TM6SF2: variants seen among roughly 807,000 people sequenced by gnomAD.
TM6SF2 encodes transmembrane 6 superfamily member 2.
In TM6SF2, 29 loss-of-function variants were observed where a neutral mutation model predicts 41.0. The ratio of observed to expected loss-of-function variants is 0.71; its 90% CI spans 0.53 to 0.96. TM6SF2 has a LOEUF of 0.96. TM6SF2 is among the 50% of genes least tolerant of loss of function. TM6SF2 has a pLI of 0.00. For missense variants in TM6SF2, 475 were observed against 499.0 expected, an observed-to-expected ratio of 0.95 and a Z score of 0.46; for synonymous variants, 200 against 209.1, an observed-to-expected ratio of 0.96 and a Z score of 0.37.
rs768743022 is a variant in TM6SF2, at chr19:19,264,707, G to C, written c.1091C>G (p.Pro364Arg). The C allele has an allele frequency of 6.3e-7, 1 of 1,587,770 alleles. No individual in the cohort carries two copies. The highest frequency in any genetic ancestry group is 1.7e-5 in the Admixed American group (1 of 57,324). The part of the protein sequence containing the change: ...CLQWPAFFHQ[P>R]PPSDPLALHK... ...GAGGGCTAGGGGGTCGGAGGGTGGT[G>C]GCTGGTGGAAGAATGCGGGCCACTG... Residue 364 changes from proline to arginine, a missense_variant, in exon 10 of 10, where the codon CCA becomes CGA. Physicochemically the swap from Pro to Arg is moderately radical, Grantham distance 103. This residue lies in a region of TM6SF2 where 190 missense variants were observed against 190.2 expected (regional missense o/e 1.00). Coordinates refer to ENST00000389363, the MANE Select transcript of TM6SF2 (RefSeq NM_001001524.3).
intron 1 of TM6SF2, 60 bp downstream of exon 1, chr19:19,273,061 T>TTGGC: frequency 8.2e-5 from 25 of 305,432 alleles, no homozygotes; most frequent in East Asian, 1.7e-4. Flanking sequence ...CCTCCAGTCC[T>TTGGC]CCCCGCCCCC....
At chr19:19,269,246 C>A (rs557462632) in intron 5 of TM6SF2, among the ~76,000 whole-genome samples, 55 of 152,306 alleles carry the variant, frequency 3.6e-4, no homozygotes, top group African/African-American at 1.2e-3. Context: ...AATTTACCTT[C>A]TGAATATGGA....
chr19:19,270,919 G>C (rs2074302), intron 2 of TM6SF2, 103 bp downstream of exon 2: 150,948 of 937,760 alleles, frequency 0.16, 13,461 homozygotes, highest in African/African-American at 0.29. Flanking sequence ...AGCTCTTAAA[G>C]GGCCCCCAGT....
At position 19,270,158 on chromosome 19, in the gene TM6SF2, C is replaced by A; in HGVS notation, c.401+15G>T. ...CTCCCAGGGTCAGGGGCCACCCTCTCCCTGCCTCCTGCACCTTCTGCAGAT... is the reference window on the plus strand; with the variant it reads ...CTCCCAGGGTCAGGGGCCACCCTCTACCTGCCTCCTGCACCTTCTGCAGAT... On this transcript the variant is annotated intron_variant, in intron 4 of 9. Transcript: ENST00000389363. The A allele has an allele frequency of 6.2e-7, 1 of 1,613,648 alleles. No individual in the cohort carries two copies. The highest frequency in any genetic ancestry group is 1.1e-5 in the South Asian group (1 of 90,910).
At chr19:19,268,600 G>C (rs1013538206) in intron 6 of TM6SF2, 30 bp downstream of exon 6, 2 of 1,539,602 alleles carry the variant, frequency 1.3e-6, no homozygotes, top group Non-Finnish European at 1.7e-6. Flanking sequence ...GGCACATTGG[G>C]ACAAGGCCTA....
At chr19:19,272,736 A>G (rs2061028938) in intron 1 of TM6SF2, among the ~76,000 whole-genome samples, 1 of 136,878 alleles carries the variant, frequency 7.3e-6, no homozygotes, top group Admixed American at 7.1e-5. Context: ...TGTGAGCAGG[A>G]GTCAGGTACC....
At position 19,268,059 on chromosome 19, in the gene TM6SF2, A is replaced by C. The variant is rs1196434543; in HGVS notation, c.638T>G (p.Leu213Arg). Residue 213 changes from leucine to arginine, a missense_variant, in exon 7 of 10, where the codon CTG (leucine) becomes CGG (arginine). Physicochemically the swap from Leu to Arg is moderately radical, Grantham distance 102. Around this residue, in one of 3 missense-constraint regions of TM6SF2, gnomAD observed 47 missense variants for 80.3 expected, o/e 0.59. Transcript: ENST00000389363. ...AAGGGCCAGGTCAGCCGGACGCTGC[A>C]GGAGTCCCTTTCTTTGTTCCTCTTG... ...MVQEEQRKGLLQRPADLALVI... is the reference protein window; with the variant it reads ...MVQEEQRKGLRQRPADLALVI... The C allele has an allele frequency of 6.2e-7, 1 of 1,613,944 alleles. No homozygotes were observed. Among genetic ancestry groups the C allele is most frequent in the Non-Finnish European group, 8.5e-7 (1 of 1,179,958 alleles).
chr19:19,269,633 C>G, intron 5 of TM6SF2, 54 bp downstream of exon 5: 1 of 1,604,118 alleles, frequency 6.2e-7, no homozygotes, highest in Non-Finnish European at 8.5e-7. Context: ...CTTCTAGGTG[C>G]AGGGCAGTGA....
At chr19:19,269,167 C>T (rs768892596) in intron 5 of TM6SF2, among the ~76,000 whole-genome samples, 1 of 152,172 alleles carries the variant, frequency 6.6e-6, no homozygotes, top group Non-Finnish European at 1.5e-5. Context: ...CTCATTCAAG[C>T]TCCACCACCT....
chr19:19,272,363 C>G (rs1012768862), intron 1 of TM6SF2, among the ~76,000 whole-genome samples: 1 of 152,182 alleles, frequency 6.6e-6, no homozygotes, highest in African/African-American at 2.4e-5. Flanking sequence ...GATCTAGGAT[C>G]GTGCCCATTA....
At chr19:19,267,812 G>A in intron 7 of TM6SF2, 99 bp from the exon 8 acceptor site, 1 of 1,255,676 alleles carries the variant, frequency 8.0e-7, no homozygotes, top group South Asian at 1.3e-5. Flanking sequence ...GCCTCTCCCA[G>A]CCCAGCTCAA....
At chr19:19,272,381 G>A (rs1255170017) in intron 1 of TM6SF2, among the ~76,000 whole-genome samples, 5 of 152,192 alleles carry the variant, frequency 3.3e-5, no homozygotes, top group Admixed American at 2.6e-4. Context: ...TTACACTGAT[G>A]AGGGAACTGA....
At position 19,269,727 on chromosome 19, in the gene TM6SF2, G is replaced by A. The variant is rs200709395; in HGVS notation, c.444C>T (p.Phe148=). The change falls in exon 5 of 10, where the codon TTC becomes TTT. Residue 148 remains phenylalanine, a synonymous_variant. Transcript: ENST00000389363. ...RNFGLYWLGS[F]AMSILVFLTG... ...TAAGGAACACCAGGATGCTCATGGC[G>A]AAGGAACCCAGCCAGTAGAGTCCAA... 8 of 1,614,046 alleles carry A rather than the reference G, an allele frequency of 5.0e-6. No individual in the cohort carries two copies. The highest frequency in any genetic ancestry group is 2.2e-5 in the South Asian group (2 of 91,088).
At chr19:19,266,439 G>C in intron 9 of TM6SF2, 51 bp downstream of exon 9, 1 of 1,607,254 alleles carries the variant, frequency 6.2e-7, no homozygotes, top group Non-Finnish European at 8.5e-7. Flanking sequence ...TTGATGAGTA[G>C]ACAGAAATTC....
chr19:19,266,462 C>T (rs1323159615), intron 9 of TM6SF2, 28 bp downstream of exon 9: 3 of 1,612,784 alleles, frequency 1.9e-6, no homozygotes, highest in Non-Finnish European at 2.5e-6. Flanking sequence ...TCCCACATGC[C>T]TGCTCACCCA....
chr19:19,272,972 C>T (rs1363340910), intron 1 of TM6SF2, 149 bp downstream of exon 1: 4 of 566,456 alleles, frequency 7.1e-6, no homozygotes, highest in Non-Finnish European at 2.8e-6. Flanking sequence ...CCACCCCAAT[C>T]CTGCCGGGTC....
intron 1 of TM6SF2, among the ~76,000 whole-genome samples, 155 bp downstream of exon 1, chr19:19,272,966 C>T (rs1415002695): frequency 1.3e-5 from 2 of 152,080 alleles, no homozygotes; most frequent in South Asian, 2.1e-4. Context: ...TCTGGCCCAC[C>T]CCAATCCTGC....
chr19:19,270,237 A>G lies in TM6SF2; in HGVS notation c.337T>C (p.Cys113Arg). Residue 113 changes from cysteine (C) to arginine (R), a missense_variant, in exon 4 of 10, where the codon TGC (cysteine) becomes CGC (arginine). By Grantham distance (180) the Cys-to-Arg change is radical (BLOSUM62 -3). This residue lies in a region of TM6SF2 where 238 missense variants were observed against 228.6 expected (regional missense o/e 1.04). Coordinates refer to ENST00000389363, the MANE Select transcript of TM6SF2 (RefSeq NM_001001524.3). ...TAGTGAACAGTGCCATCCCAGTAGC[A>G]GATGAAGACTCCGTGCGCTGTGCGC... is the stretch of plus-strand genomic sequence containing the variant. Reference protein sequence around the residue: ...YLRTAHGVFICYWDGTVHYLL... With the variant: ...YLRTAHGVFIRYWDGTVHYLL... The G allele has an allele frequency of 6.2e-7, 1 of 1,614,222 alleles. No homozygotes were observed. The highest frequency in any genetic ancestry group is 8.5e-7 in the Non-Finnish European group (1 of 1,180,042).
rs759875174 is a variant in TM6SF2 at position 19,270,178 on chromosome 19, G to A, written c.396C>T (p.Cys132=). The A allele has an allele frequency of 2.5e-6, 4 of 1,613,880 alleles. No individual in the cohort carries two copies. The highest frequency in any genetic ancestry group is 3.4e-6 in the Non-Finnish European group (4 of 1,179,954). Residue 132 remains cysteine (C), a synonymous_variant, in exon 4 of 10, where the codon TGC becomes TGT. Coordinates refer to ENST00000389363, the MANE Select transcript of TM6SF2 (RefSeq NM_001001524.3). The stretch of plus-strand genomic sequence containing the variant: ...CCTCTCCCTGCCTCCTGCACCTTCT[G>A]CAGATGGCGCCGGCCATGGCCAGGT... ...LLYLAMAGAI[C]RRKRYRNFGL... is the part of the protein sequence containing the mutation.
Sources: allele counts gnomAD v4.1 joint callset (sites outside exome capture counted in the v4.1 genomes callset), GRCh38; gene constraint gnomAD v4.1.1; regional missense constraint gnomAD v4.1.1; transcripts MANE v1.5; gene names NCBI Gene and HGNC (gene_info 2026-07-23, HGNC 2026-07-21).